The following OPCML variants were observed in gnomAD, a reference collection of about 807,000 sequenced individuals.
The protein encoded by OPCML is opioid-binding protein/cell adhesion molecule.
A neutral mutation model predicts 37.8 loss-of-function variants in OPCML; 13 were observed. That is an observed-to-expected ratio of 0.34 (90% CI 0.22 to 0.55). The LOEUF (loss-of-function observed/expected upper bound fraction) is 0.55. Ranked by LOEUF, OPCML falls within the 20% of genes least tolerant of loss-of-function variation. OPCML has a pLI of 0.91. For missense variants in OPCML, 341 were observed against 435.6 expected (o/e 0.78, Z 1.93); for synonymous variants, 176 against 168.8 (o/e 1.04, Z -0.33).
In OPCML at chr11:132,707,364, G is replaced by C. The variant is rs113846651; in HGVS notation, c.147-50045C>G. On this transcript the variant is annotated intron_variant, in intron 2 of 7. Coordinates refer to ENST00000524381, the MANE Select transcript of OPCML (RefSeq NM_001012393.5). ...AGATCCAGGAGTAAATGATATTATT[G>C]CTCTAAGCAGAAACATTAAAGAAAA... 2.6e-5 allele frequency among the ~76,000 whole-genome samples: 4 copies of C among 152,258 alleles called. 1 individual carries two copies. The highest frequency in any genetic ancestry group is 9.6e-5 in the African/African-American group (4 of 41,542).
At chr11:133,172,974 T>G (rs773777891) in intron 1 of OPCML, among the ~76,000 whole-genome samples, 37 of 152,222 alleles carry the variant, frequency 2.4e-4, no homozygotes, top group Non-Finnish European at 5.3e-4. Flanking sequence ...GGGATATAGA[T>G]TTGGAAATTA....
Position 132,716,790 on chromosome 11 carries a change from C to T in OPCML, c.147-59471G>A, listed in dbSNP as rs57961259. ...CTGAAGGATCATTTATTAAGTACCT[C>T]GTACAGGCTTGGCATTGGGAATATA... On this transcript the variant is annotated intron_variant, in intron 2 of 7. Coordinates refer to ENST00000524381, the MANE Select transcript of OPCML (RefSeq NM_001012393.5). Among the ~76,000 whole-genome samples the T allele has an allele frequency of 1.9e-3, 290 of 152,194 alleles. 1 individual carries two copies. Among genetic ancestry groups the T allele is most frequent in the African/African-American group, 6.6e-3 (274 of 41,534 alleles).
chr11:132,451,426 G>C (rs542378345), intron 4 of OPCML, among the ~76,000 whole-genome samples: 1 of 152,318 alleles, frequency 6.6e-6, no homozygotes, highest in Admixed American at 6.5e-5. Context: ...GTGAATTCCT[G>C]AGACCACAGA....
intron 1 of OPCML, among the ~76,000 whole-genome samples, chr11:133,431,435 A>T (rs2136917005): frequency 6.6e-6 from 1 of 152,100 alleles, no homozygotes; most frequent in East Asian, 1.9e-4. Flanking sequence ...AATAAATACC[A>T]TATGTATTGT....
chr11:132,609,860 G>A (rs1336856097), intron 3 of OPCML, among the ~76,000 whole-genome samples: 1 of 152,220 alleles, frequency 6.6e-6, no homozygotes, highest in Non-Finnish European at 1.5e-5. Context: ...GCCTGGCACA[G>A]TATAGGGAGC....
chr11:132,543,925 G>C (rs556111977), intron 3 of OPCML, among the ~76,000 whole-genome samples: 6 of 152,184 alleles, frequency 3.9e-5, no homozygotes, highest in African/African-American at 1.4e-4. Context: ...CAAACCTGGA[G>C]AGTCTGGAAA....
intron 3 of OPCML, among the ~76,000 whole-genome samples, chr11:132,619,519 TA>T (rs1441872319): frequency 1.3e-5 from 2 of 151,762 alleles, no homozygotes; most frequent in Non-Finnish European, 2.9e-5. Context: ...CGGCTTGGAA[TA>T]AAGGAGCATG....
rs148456819 is a variant in OPCML at position 132,666,240 on chromosome 11, G to A, written c.147-8921C>T. 9.1e-3 allele frequency among the ~76,000 whole-genome samples: 1,392 copies of A among 152,272 alleles called. 18 individuals are homozygous for A. Among genetic ancestry groups the A allele is most frequent in the African/African-American group, 0.03 (1,263 of 41,556 alleles). ...GGCATGGCGCCACCATCTGCTTCTG[G>A]TGAGGGCCTCAGGAAGCTTCCAATC... On this transcript the variant is annotated intron_variant, in intron 2 of 7. Coordinates refer to ENST00000524381, the MANE Select transcript of OPCML (RefSeq NM_001012393.5).
intron 1 of OPCML, among the ~76,000 whole-genome samples, chr11:133,483,497 G>A (rs9667101): frequency 5.3e-5 from 8 of 151,866 alleles, no homozygotes; most frequent in Non-Finnish European, 8.8e-5. Context: ...TAGATGGATA[G>A]ATAGATGATA....
chr11:133,397,123 A>C (rs907208228), intron 1 of OPCML, among the ~76,000 whole-genome samples: 1 of 152,180 alleles, frequency 6.6e-6, no homozygotes, highest in Non-Finnish European at 1.5e-5. Context: ...CTTATTTTCA[A>C]ACAGCTGGTT....
chr11:133,342,602 G>A (rs1943898557), intron 1 of OPCML, among the ~76,000 whole-genome samples: 1 of 152,184 alleles, frequency 6.6e-6, no homozygotes, highest in Admixed American at 6.5e-5. Context: ...GAGGTTGGGT[G>A]GAATATGTGT....
chr11:133,229,182 C>T (rs901449920), intron 1 of OPCML, among the ~76,000 whole-genome samples: 3 of 152,106 alleles, frequency 2.0e-5, no homozygotes, highest in East Asian at 1.9e-4. Flanking sequence ...CCAGGTTGCC[C>T]GGGGCAAGGA....
At chr11:132,906,216 C>A (rs924649186) in intron 2 of OPCML, among the ~76,000 whole-genome samples, 1 of 152,230 alleles carries the variant, frequency 6.6e-6, no homozygotes, top group Non-Finnish European at 1.5e-5. Context: ...AAGGAATATT[C>A]TGTCTGTGTA....
intron 3 of OPCML, among the ~76,000 whole-genome samples, chr11:132,555,059 G>A (rs776554725): frequency 7.2e-5 from 11 of 151,916 alleles, no homozygotes; most frequent in Admixed American, 4.6e-4. Flanking sequence ...GGAGCACTGC[G>A]TGATGAAGAC....
At chr11:133,472,891 C>A (rs1281921324) in intron 1 of OPCML, among the ~76,000 whole-genome samples, 2 of 152,040 alleles carry the variant, frequency 1.3e-5, no homozygotes, top group East Asian at 1.9e-4. Flanking sequence ...GCTGCACCAC[C>A]CTTCCCCAGT....
intron 2 of OPCML, among the ~76,000 whole-genome samples, chr11:132,748,436 T>C (rs1212737880): frequency 6.6e-6 from 1 of 152,198 alleles, no homozygotes; most frequent in Non-Finnish European, 1.5e-5. Context: ...GCAGCTTATC[T>C]TCTAGTGGGA....
intron 1 of OPCML, among the ~76,000 whole-genome samples, chr11:132,980,670 A>T (rs1216686743): frequency 6.6e-6 from 1 of 152,064 alleles, no homozygotes; most frequent in Non-Finnish European, 1.5e-5. Context: ...TTCCATCTCC[A>T]TTCTCCCTCG....
chr11:132,959,820 G>T (rs1197212109), intron 1 of OPCML, among the ~76,000 whole-genome samples: 3 of 152,198 alleles, frequency 2.0e-5, no homozygotes, highest in Non-Finnish European at 2.9e-5. Context: ...GCAGCCTGAG[G>T]AGGAAAACAA....
chr11:133,458,220 AT>A (rs1946726389), intron 1 of OPCML, among the ~76,000 whole-genome samples: 1 of 122,012 alleles, frequency 8.2e-6, no homozygotes, highest in African/African-American at 4.8e-5. Context: ...ATATATACAC[AT>A]ATATACACGT....
Sources: allele counts gnomAD v4.1 joint callset (sites outside exome capture counted in the v4.1 genomes callset), GRCh38; gene constraint gnomAD v4.1.1; transcripts MANE v1.5; gene names NCBI Gene and HGNC (gene_info 2026-07-23, HGNC 2026-07-21).